The following EEF2K variants were observed in gnomAD, a reference collection of about 807,000 sequenced individuals.
The protein encoded by EEF2K is alternative protein EEF2K.
Under a neutral mutation model 93.8 loss-of-function variants are expected in EEF2K, and 70 were observed. The observed-to-expected ratio is 0.75, with a 90% CI of 0.62 to 0.91. The LOEUF is 0.91. EEF2K is among the 40% of genes least tolerant of loss of function. The pLI, the probability that EEF2K is intolerant of heterozygous loss-of-function variation, is 0.00. For synonymous variants in EEF2K, 376 were observed against 380.8 expected (o/e 0.99, Z 0.15); for missense variants, 935 against 972.9 (o/e 0.96, Z 0.52).
At chr16:22,254,700 T>A (rs1194781175) in intron 6 of EEF2K, among the ~76,000 whole-genome samples, 1 of 152,204 alleles carries the variant, frequency 6.6e-6, no homozygotes, top group Non-Finnish European at 1.5e-5. Flanking sequence ...CAAAGTTCCC[T>A]ATAATTTCCC....
chr16:22,224,232 C>A (rs932676717), intron 1 of EEF2K, among the ~76,000 whole-genome samples: 4 of 152,104 alleles, frequency 2.6e-5, no homozygotes, highest in Non-Finnish European at 5.9e-5. Context: ...GCTTTTAGGG[C>A]CACTCCTTCA....
chr16:22,257,999 C>G (rs778740495), intron 9 of EEF2K, among the ~76,000 whole-genome samples: 7 of 152,150 alleles, frequency 4.6e-5, no homozygotes, highest in Non-Finnish European at 8.8e-5. Flanking sequence ...TTAGGTTGGG[C>G]CCATTTTTTA....
chr16:22,242,346 G>C (rs1436824673), intron 2 of EEF2K, among the ~76,000 whole-genome samples: 3 of 151,974 alleles, frequency 2.0e-5, no homozygotes, highest in Non-Finnish European at 4.4e-5. Context: ...TTTGGGTACA[G>C]AGTCTTGCTC....
intron 13 of EEF2K, chr16:22,265,167 T>TAAGACAGGAG: frequency 3.2e-6 from 1 of 314,668 alleles, no homozygotes; most frequent in Non-Finnish European, 6.0e-6. Context: ...TGAAGGCACT[T>TAAGACAGGAG]CGCAGTAATC....
At chr16:22,248,574 C>T (rs1034100967) in intron 3 of EEF2K, among the ~76,000 whole-genome samples, 181 bp from the exon 4 acceptor site, 39 of 152,052 alleles carry the variant, frequency 2.6e-4, no homozygotes, top group Admixed American at 1.4e-3. Context: ...TGTGTTGGGA[C>T]GTGGGAGGGA....
chr16:22,253,351 G>T (rs2047369351), intron 6 of EEF2K, among the ~76,000 whole-genome samples: 1 of 152,198 alleles, frequency 6.6e-6, no homozygotes, highest in African/African-American at 2.4e-5. Context: ...TGTTTGCAGA[G>T]CCCTTGATGA....
In EEF2K at chr16:22,251,026, C is replaced by A. The variant is rs904292176; in HGVS notation, c.447-125C>A. On this transcript the variant is annotated intron_variant, in intron 5 of 17. Coordinates refer to ENST00000263026, the MANE Select transcript of EEF2K (RefSeq NM_013302.5). Reference sequence around the variant, plus strand: ...GTGGGGACGTCCTTCTTACCTCCTGCATTTTGTTCCTGCTGCCAGCCACCC... The same window carrying A: ...GTGGGGACGTCCTTCTTACCTCCTGAATTTTGTTCCTGCTGCCAGCCACCC... 6 of 1,182,216 alleles carry A rather than the reference C, an allele frequency of 5.1e-6. No homozygotes were observed. In the African/African-American group the frequency reaches 9.2e-5, roughly 18 times the overall value. 73.2% of individuals were successfully genotyped at this position (1,182,216 alleles called of 1,614,324 possible).
intron 1 of EEF2K, among the ~76,000 whole-genome samples, chr16:22,225,175 G>A (rs1037422509): frequency 1.3e-5 from 2 of 152,094 alleles, no homozygotes; most frequent in East Asian, 1.9e-4. Flanking sequence ...CTCGGAGGTC[G>A]GAATGAACTT....
rs539190187 is a variant in EEF2K at position 22,260,206 on chromosome 16, C to A, written c.1232-256C>A. Among the ~76,000 whole-genome samples the A allele has an allele frequency of 1.2e-4, 19 of 152,282 alleles. 1 individual carries two copies. The highest frequency in any genetic ancestry group is 4.6e-4 in the African/African-American group (19 of 41,548). ...TACAAGGATAATTGCATTGTGACAACCCTGAGGACACACATAGGTGACACC... is the reference window on the plus strand; with the variant it reads ...TACAAGGATAATTGCATTGTGACAAACCTGAGGACACACATAGGTGACACC... On this transcript the variant is annotated intron_variant, in intron 10 of 17. Transcript: ENST00000263026.
chr16:22,209,389 G>C (rs1052188459), intron 1 of EEF2K, among the ~76,000 whole-genome samples: 3 of 152,132 alleles, frequency 2.0e-5, no homozygotes, highest in Admixed American at 2.0e-4. Flanking sequence ...GTCTTGTCCA[G>C]TTTTTGGCAG....
At chr16:22,230,906 A>C (rs1314938947) in intron 2 of EEF2K, among the ~76,000 whole-genome samples, 2 of 152,090 alleles carry the variant, frequency 1.3e-5, no homozygotes, top group East Asian at 3.9e-4. Flanking sequence ...GGATTACAGG[A>C]GTGAGCCACC....
At position 22,287,748 on chromosome 16, in the gene EEF2K, CT is replaced by C. The variant is rs764110042; in HGVS notation, c.*3753del. On this transcript the variant is annotated 3_prime_UTR_variant, in exon 18 of 18. Transcript: ENST00000263026. The stretch of plus-strand genomic sequence containing the variant: ...GTGTTCCTGAATATCTGTTCTCCCC[CT>C]GACCACTCTGGGAATTTATCAAATG... 6 of 152,316 alleles carry C rather than the reference CT, an allele frequency of 3.9e-5. No individual in the cohort carries two copies. The highest frequency in any genetic ancestry group is 7.2e-5 in the African/African-American group (3 of 41,568). 9.4% of individuals were successfully genotyped at this position (152,316 alleles called of 1,614,324 possible).
At chr16:22,244,516 G>C (rs759810167) in intron 2 of EEF2K, 114 bp from the exon 3 acceptor site, 8 of 983,628 alleles carry the variant, frequency 8.1e-6, no homozygotes, top group Middle Eastern at 2.1e-4. Context: ...GTCTCTCTCT[G>C]TCCTGATACT....
intron 1 of EEF2K, among the ~76,000 whole-genome samples, chr16:22,224,642 AAAAAAGAAAAGAAAAG>A (rs2047044723): frequency 7.7e-6 from 1 of 130,114 alleles, no homozygotes; most frequent in Non-Finnish European, 1.6e-5. Context: ...GTCTCAAAAA[AAAAAAGAAAAGAAAAG>A]AAAAAGAAAA....
At chr16:22,282,237 G>A (rs969900502) in intron 17 of EEF2K, among the ~76,000 whole-genome samples, 3 of 152,176 alleles carry the variant, frequency 2.0e-5, no homozygotes, top group South Asian at 2.1e-4. Flanking sequence ...AGTTCTGGAG[G>A]CTGGGAATTC....
At chr16:22,247,555 A>C (rs2047307986) in intron 3 of EEF2K, among the ~76,000 whole-genome samples, 1 of 152,150 alleles carries the variant, frequency 6.6e-6, no homozygotes, top group Non-Finnish European at 1.5e-5. Flanking sequence ...CTCCATACAC[A>C]AGAGAAGGAA....
At chr16:22,244,101 C>G (rs1028807722) in intron 2 of EEF2K, among the ~76,000 whole-genome samples, 2 of 151,388 alleles carry the variant, frequency 1.3e-5, no homozygotes, top group Non-Finnish European at 2.9e-5. Flanking sequence ...TGGTGGCGGG[C>G]GCCTATAATC....
intron 3 of EEF2K, among the ~76,000 whole-genome samples, chr16:22,247,743 G>C (rs557683534): frequency 6.6e-6 from 1 of 152,284 alleles, no homozygotes; most frequent in South Asian, 2.1e-4. Flanking sequence ...CATTCTGAAG[G>C]CTTCCGTGTC....
Position 22,258,406 on chromosome 16 carries a change from G to C in EEF2K, c.1030-88G>C, listed in dbSNP as rs1243977301. 1.5e-5 allele frequency: 20 copies of C among 1,378,072 alleles called. No individual in the cohort carries two copies. In the Admixed American group the frequency reaches 4.0e-4, roughly 28 times the overall value. The allele number at this position is 1,378,072 out of a possible 1,614,324, so 85.4% of individuals were successfully genotyped here. ...ATGTTTAGGAGCTGTGGATGAAGGGGTTTCAGGGTTAGAGGGAACAACAGG... is the reference window on the plus strand; with the variant it reads ...ATGTTTAGGAGCTGTGGATGAAGGGCTTTCAGGGTTAGAGGGAACAACAGG... On this transcript the variant is annotated intron_variant, in intron 9 of 17. Coordinates refer to ENST00000263026, the MANE Select transcript of EEF2K (RefSeq NM_013302.5).
Sources: gnomAD v4.1 joint callset for allele counts (sites outside exome capture counted in the v4.1 genomes callset) on GRCh38, gnomAD v4.1.1 for gene constraint, MANE v1.5 for transcripts, NCBI Gene and HGNC (gene_info 2026-07-23, HGNC 2026-07-21) for gene names.